The following MACROD2 variants were observed in gnomAD, a reference collection of about 807,000 sequenced individuals.
The protein encoded by MACROD2 is mono-ADP ribosylhydrolase 2, also known as ADP-ribose glycohydrolase MACROD2.
Under a neutral mutation model 70.4 loss-of-function variants are expected in MACROD2, and 36 were observed. The ratio of observed to expected loss-of-function variants is 0.51; its 90% CI spans 0.39 to 0.68. MACROD2 has a LOEUF of 0.68. Among genes scored for constraint, MACROD2 ranks in the 30% least tolerant of loss-of-function variants. The probability of loss-of-function intolerance (pLI) is 0.00; values close to 1 mark genes in which losing one functional copy is unlikely to be tolerated. For missense variants in MACROD2, 496 were observed against 538.4 expected (o/e 0.92, Z 0.78); for synonymous variants, 172 against 178.8 (o/e 0.96, Z 0.30).
chr20:14,196,465 A>T (rs1363859886), intron 3 of MACROD2, among the ~76,000 whole-genome samples: 1 of 152,186 alleles, frequency 6.6e-6, no homozygotes, highest in Non-Finnish European at 1.5e-5. Context: ...AATGAAGTAG[A>T]ATATTTCTGT....
chr20:16,004,884 C>T (rs2066766925), intron 15 of MACROD2, among the ~76,000 whole-genome samples: 1 of 152,216 alleles, frequency 6.6e-6, no homozygotes, highest in Non-Finnish European at 1.5e-5. Flanking sequence ...AGTAGTGACT[C>T]AGAGCCAAGT....
In MACROD2 at chr20:15,874,146, ATGAG is replaced by A. The variant is rs1182912519; in HGVS notation, c.727+11325_727+11328del. ...TATTCTCATTGTTCAACTCCCATTT[ATGAG>A]TGAGAACATGCAGCATTTGGTTTTC... On this transcript the variant is annotated intron_variant, in intron 9 of 17. Transcript: ENST00000684519. Among the ~76,000 whole-genome samples the A allele has an allele frequency of 4.4e-5, 6 of 137,802 alleles. No individual in the cohort carries two copies. In the South Asian group the frequency reaches 6.8e-4, roughly 16 times the overall value. 90.4% of individuals were successfully genotyped at this position (137,802 alleles called of 152,430 possible).
chr20:15,485,086 G>A (rs1014868832), intron 7 of MACROD2, among the ~76,000 whole-genome samples: 1 of 151,556 alleles, frequency 6.6e-6, no homozygotes, highest in South Asian at 2.1e-4. Flanking sequence ...ATGTTGAACC[G>A]CCTATATATT....
intron 8 of MACROD2, among the ~76,000 whole-genome samples, chr20:15,590,402 A>G (rs552569451): frequency 1.2e-4 from 18 of 152,340 alleles, no homozygotes; most frequent in Admixed American, 9.8e-4. Flanking sequence ...ATTCAGACCC[A>G]GCCTTTAACT....
At chr20:15,320,982 G>A (rs1027666384) in intron 6 of MACROD2, among the ~76,000 whole-genome samples, 2 of 152,300 alleles carry the variant, frequency 1.3e-5, no homozygotes, top group South Asian at 2.1e-4. Context: ...TTGAGGTATC[G>A]TACTTGTATG....
intron 7 of MACROD2, among the ~76,000 whole-genome samples, chr20:15,440,426 A>G (rs1370455469): frequency 6.6e-6 from 1 of 152,134 alleles, no homozygotes; most frequent in Non-Finnish European, 1.5e-5. Context: ...GCTATCCACC[A>G]CATGCTGGCA....
intron 5 of MACROD2, among the ~76,000 whole-genome samples, chr20:14,747,376 T>C (rs1254725370): frequency 6.6e-6 from 1 of 151,984 alleles, no homozygotes; most frequent in Non-Finnish European, 1.5e-5. Context: ...GAATGAAGAG[T>C]CAAAATTGTT....
At chr20:15,617,279 A>G (rs2049052548) in intron 8 of MACROD2, among the ~76,000 whole-genome samples, 1 of 152,174 alleles carries the variant, frequency 6.6e-6, no homozygotes, top group African/African-American at 2.4e-5. Context: ...ACATGATTAG[A>G]TCATTCATGT....
At chr20:14,709,394 AAC>A (rs911159007) in intron 5 of MACROD2, among the ~76,000 whole-genome samples, 1 of 152,094 alleles carries the variant, frequency 6.6e-6, no homozygotes, top group Non-Finnish European at 1.5e-5. Context: ...CACATATACA[AAC>A]ACACACTCTC....
intron 4 of MACROD2, among the ~76,000 whole-genome samples, chr20:14,505,091 G>C (rs952809066): frequency 6.6e-6 from 1 of 152,164 alleles, no homozygotes; most frequent in African/African-American, 2.4e-5. Context: ...GATACTTTCA[G>C]TTTAATTGAG....
intron 5 of MACROD2, among the ~76,000 whole-genome samples, chr20:15,032,572 T>A (rs1367646679): frequency 6.6e-6 from 1 of 152,186 alleles, no homozygotes; most frequent in Non-Finnish European, 1.5e-5. Flanking sequence ...CTGCCGACAT[T>A]TGCTCAATAA....
chr20:15,855,164 G>A (rs1338827341), intron 8 of MACROD2, among the ~76,000 whole-genome samples: 1 of 152,210 alleles, frequency 6.6e-6, no homozygotes, highest in Non-Finnish European at 1.5e-5. Flanking sequence ...TGTGTCAGCT[G>A]CCCTATGACT....
rs11087149 is a variant in MACROD2 at position 15,858,119 on chromosome 20, G to GAAA, written c.646-4618_646-4616dup. 2.0e-4 allele frequency among the ~76,000 whole-genome samples: 30 copies of GAAA among 150,400 alleles called. No individual in the cohort carries two copies. The East Asian group carries it at 4.3e-3, about 21-fold the overall frequency. ...CCTTAATTGATTGCTTGGGCCTTGG[G>GAAA]AAAAAAAAAATCACTCGATTCCTGG... On this transcript the variant is annotated intron_variant, in intron 8 of 17. Transcript: ENST00000684519.
chr20:14,749,093 A>G (rs553070789), intron 5 of MACROD2, among the ~76,000 whole-genome samples: 1 of 152,136 alleles, frequency 6.6e-6, no homozygotes, highest in African/African-American at 2.4e-5. Flanking sequence ...AATAGTTAAC[A>G]TAGTGACACA....
chr20:15,242,265 G>C (rs1007950417), intron 6 of MACROD2, among the ~76,000 whole-genome samples: 1 of 152,084 alleles, frequency 6.6e-6, no homozygotes, highest in African/African-American at 2.4e-5. Flanking sequence ...CTTCACAACT[G>C]TCAAAATCAT....
chr20:14,365,009 G>A (rs1333868648), intron 3 of MACROD2, among the ~76,000 whole-genome samples: 4 of 152,136 alleles, frequency 2.6e-5, no homozygotes, highest in Non-Finnish European at 5.9e-5. Context: ...TATTTCTTCC[G>A]CTGCTGTTTC....
chr20:14,232,681 G>T (rs988968956), intron 3 of MACROD2, among the ~76,000 whole-genome samples: 3 of 152,218 alleles, frequency 2.0e-5, no homozygotes, highest in African/African-American at 4.8e-5. Context: ...GAATATTGTG[G>T]TTGGTTTGAT....
At chr20:15,781,648 A>G (rs551246681) in intron 8 of MACROD2, among the ~76,000 whole-genome samples, 2 of 152,258 alleles carry the variant, frequency 1.3e-5, no homozygotes, top group African/African-American at 4.8e-5. Context: ...CCTCAATCCC[A>G]TTTATGAGGA....
At chr20:14,808,646 G>A (rs531528263) in intron 5 of MACROD2, among the ~76,000 whole-genome samples, 2 of 151,826 alleles carry the variant, frequency 1.3e-5, no homozygotes, top group African/African-American at 4.8e-5. Context: ...TAGCAAATTG[G>A]ATAAAGAGTC....
Sources: allele counts gnomAD v4.1 joint callset (sites outside exome capture counted in the v4.1 genomes callset), GRCh38; gene constraint gnomAD v4.1.1; transcripts MANE v1.5; gene names NCBI Gene and HGNC (gene_info 2026-07-23, HGNC 2026-07-21).